Variants in NTN1 observed in about 807,000 individuals in gnomAD.
NTN1 encodes netrin-1.
In NTN1, 11 loss-of-function variants were observed where a neutral mutation model predicts 54.2. That is an observed-to-expected ratio of 0.20 (90% CI 0.13 to 0.34). The LOEUF is 0.34. Among genes scored for constraint, NTN1 ranks in the 10% least tolerant of loss-of-function variants. The probability of loss-of-function intolerance (pLI) is 1.00; values close to 1 mark genes in which losing one functional copy is unlikely to be tolerated. For synonymous variants in NTN1, 371 were observed against 382.0 expected (o/e 0.97, Z 0.33); for missense variants, 740 against 893.1 (o/e 0.83, Z 2.18).
chr17:9,226,776 G>A (rs1905578325), intron 6 of NTN1, among the ~76,000 whole-genome samples: 1 of 152,150 alleles, frequency 6.6e-6, no homozygotes, highest in South Asian at 2.1e-4. Flanking sequence ...CGAGGAGGCG[G>A]CGAGTGAGCG....
chr17:9,184,064 G>A, intron 5 of NTN1, among the ~76,000 whole-genome samples: 1 of 152,220 alleles, frequency 6.6e-6, no homozygotes, highest in Middle Eastern at 3.2e-3. Flanking sequence ...GGATGGGGGA[G>A]CTTGCAAACC....
intron 5 of NTN1, among the ~76,000 whole-genome samples, chr17:9,214,995 TTTATC>T (rs1370219287): frequency 6.6e-6 from 1 of 152,186 alleles, no homozygotes. Context: ...TTTTTTCTGT[TTTATC>T]TTTTGGCATA....
intron 5 of NTN1, among the ~76,000 whole-genome samples, chr17:9,195,438 C>T (rs896501477): frequency 3.9e-5 from 6 of 152,138 alleles, no homozygotes; most frequent in Non-Finnish European, 5.9e-5. Flanking sequence ...CTGATGGGAA[C>T]GGGACAAGTG....
Position 9,243,233 on chromosome 17 carries a change from C to T in NTN1, c.*3265C>T, listed in dbSNP as rs1210174522. On this transcript the variant is annotated 3_prime_UTR_variant, in exon 7 of 7. Coordinates refer to ENST00000173229, the MANE Select transcript of NTN1 (RefSeq NM_004822.3). The stretch of plus-strand genomic sequence containing the variant: ...GGGCAGGAGGCAGCATCCCCAGGGG[C>T]CTCTATGTGGGAGGGAGGGACACCT... 2 of 152,180 alleles carry T rather than the reference C, an allele frequency of 1.3e-5. No homozygotes were observed. The highest frequency in any genetic ancestry group is 2.4e-5 in the African/African-American group (1 of 41,414). The allele number at this position is 152,180 out of a possible 1,614,324, so 9.4% of individuals were successfully genotyped here.
chr17:9,004,580 C>T, the NTN1 span, among the ~76,000 whole-genome samples: 1 of 152,258 alleles, frequency 6.6e-6, no homozygotes, highest in Non-Finnish European at 1.5e-5. Flanking sequence ...CCCCAGCCCA[C>T]TGGTGCAGCG....
At chr17:9,218,622 T>C (rs1318282234) in intron 5 of NTN1, among the ~76,000 whole-genome samples, 2 of 152,162 alleles carry the variant, frequency 1.3e-5, no homozygotes, top group East Asian at 3.9e-4. Context: ...CCAGGACTCA[T>C]CTGCCTTCCT....
At chr17:9,174,160 G>A (rs1229521143) in intron 3 of NTN1, 1 of 152,314 alleles carries the variant, frequency 6.6e-6, no homozygotes, top group East Asian at 1.9e-4. Context: ...AGAGCCAGCA[G>A]GGGCTCTAAA....
chr17:9,168,400 C>G (rs59112033), intron 3 of NTN1, among the ~76,000 whole-genome samples: 1 of 152,054 alleles, frequency 6.6e-6, no homozygotes, highest in Non-Finnish European at 1.5e-5. Flanking sequence ...GGCGCAGTGG[C>G]GCATGCCTGT....
At chr17:9,184,554 T>C (rs1597525550) in intron 5 of NTN1, among the ~76,000 whole-genome samples, 1 of 152,198 alleles carries the variant, frequency 6.6e-6, no homozygotes, top group Non-Finnish European at 1.5e-5. Context: ...CTGGACAAGA[T>C]TTTAAGGCTG....
intron 5 of NTN1, among the ~76,000 whole-genome samples, chr17:9,203,715 A>G (rs1904878821): frequency 1.3e-5 from 2 of 152,122 alleles, no homozygotes; most frequent in South Asian, 4.1e-4. Context: ...AGGCAGGAGA[A>G]TCACTTGAAC....
chr17:9,167,550 T>C (rs2092376609), intron 3 of NTN1, among the ~76,000 whole-genome samples: 1 of 152,172 alleles, frequency 6.6e-6, no homozygotes, highest in African/African-American at 2.4e-5. Flanking sequence ...CCTTCTCTCA[T>C]TGTCTTTCCC....
intron 2 of NTN1, among the ~76,000 whole-genome samples, chr17:9,131,432 C>CTGAA (rs540491936): frequency 2.8e-4 from 42 of 152,202 alleles, no homozygotes; most frequent in East Asian, 5.8e-4. Flanking sequence ...GAAATATTTG[C>CTGAA]TGAATGAATG....
intron 5 of NTN1, among the ~76,000 whole-genome samples, chr17:9,189,025 C>T (rs1337957332): frequency 6.6e-6 from 1 of 152,138 alleles, no homozygotes; most frequent in African/African-American, 2.4e-5. Flanking sequence ...ACTGTTATCC[C>T]GAGAGAAGAT....
chr17:9,166,401 G>A (rs149390120), intron 3 of NTN1, among the ~76,000 whole-genome samples: 4,792 of 147,874 alleles, frequency 0.032, 114 homozygotes, highest in South Asian at 0.1. Context: ...GAGTGCAGTG[G>A]TGCAATCTCG....
chr17:9,221,080 A>T lies in NTN1; in HGVS notation c.1412-88A>T. 1 of 959,134 alleles carries T rather than the reference A, an allele frequency of 1.0e-6. No individual in the cohort carries two copies. Among genetic ancestry groups the T allele is most frequent in the East Asian group, 2.4e-5 (1 of 41,932 alleles). 59.4% of individuals were successfully genotyped at this position (959,134 alleles called of 1,614,324 possible). ...GGGTATCACAGGCCTCTGGCTATTT[A>T]GGGAGGCGGCCTCCTACTCTGCCCG... is the stretch of plus-strand genomic sequence containing the variant. On this transcript the variant is annotated intron_variant, in intron 5 of 6. Transcript: ENST00000173229. The surrounding 1 kb of genome is among the most constrained non-coding windows in gnomAD (Gnocchi z 4.5).
chr17:9,090,209 C>A (rs1299327076), intron 2 of NTN1, among the ~76,000 whole-genome samples: 1 of 149,824 alleles, frequency 6.7e-6, no homozygotes, highest in Non-Finnish European at 1.5e-5. Context: ...TGGAGTCTCA[C>A]TCTGTCACCA....
intron 2 of NTN1, among the ~76,000 whole-genome samples, chr17:9,084,939 C>A (rs1379179816): frequency 6.6e-6 from 1 of 152,114 alleles, no homozygotes; most frequent in African/African-American, 2.4e-5. Flanking sequence ...CGTGAGCCAC[C>A]GTGCCTGACC....
Position 9,184,864 on chromosome 17 carries a change from G to A in NTN1, c.1411+1895G>A, listed in dbSNP as rs756428938. Among the ~76,000 whole-genome samples the A allele has an allele frequency of 4.3e-4, 65 of 152,216 alleles. 1 individual carries two copies. The highest frequency in any genetic ancestry group is 1.8e-4 in the Non-Finnish European group (12 of 68,036). On this transcript the variant is annotated intron_variant, in intron 5 of 6. Coordinates refer to ENST00000173229, the MANE Select transcript of NTN1 (RefSeq NM_004822.3). ...TAAAACTTCCGAGGTTCTTGGCTCC[G>A]CCAGACAAAAGATTCCGGAGCAGCC...
At chr17:9,070,828 G>T (rs1180274583) in intron 2 of NTN1, among the ~76,000 whole-genome samples, 1 of 151,720 alleles carries the variant, frequency 6.6e-6, no homozygotes, top group African/African-American at 2.4e-5. Context: ...CTGACCTCAG[G>T]TGATCTGCCC....
Sources: gnomAD v4.1 joint callset for allele counts (sites outside exome capture counted in the v4.1 genomes callset) on GRCh38, gnomAD v4.1.1 for gene constraint, Gnocchi (gnomAD v3.1) non-coding constraint, MANE v1.5 for transcripts, NCBI Gene and HGNC (gene_info 2026-07-23, HGNC 2026-07-21) for gene names.